The following CEP85L variants were observed in gnomAD, a reference collection of about 807,000 sequenced individuals.
CEP85L encodes centrosomal protein of 85 kDa-like.
Under a neutral mutation model 100.3 loss-of-function variants are expected in CEP85L, and 60 were observed. The ratio of observed to expected loss-of-function variants is 0.60; its 90% CI spans 0.49 to 0.74. The LOEUF is 0.74. Among genes scored for constraint, CEP85L ranks in the 30% least tolerant of loss-of-function variants. The probability of loss-of-function intolerance (pLI) is 0.00; values close to 1 mark genes in which losing one functional copy is unlikely to be tolerated. For synonymous variants in CEP85L, 319 were observed against 322.7 expected, an observed-to-expected ratio of 0.99 and a Z score of 0.12; for missense variants, 973 against 936.2, an observed-to-expected ratio of 1.04 and a Z score of -0.51.
chr6:118,531,365 G>A (rs756718106), intron 3 of CEP85L, among the ~76,000 whole-genome samples: 6 of 152,102 alleles, frequency 3.9e-5, no homozygotes, highest in African/African-American at 7.2e-5. Flanking sequence ...ATCAACTCAA[G>A]ATGAATTAAA....
intron 3 of CEP85L, among the ~76,000 whole-genome samples, chr6:118,551,935 T>G (rs966200416): frequency 7.2e-5 from 11 of 152,058 alleles, no homozygotes; most frequent in African/African-American, 2.4e-4. Flanking sequence ...ACTGTCCTAA[T>G]TTATTACCAC....
chr6:118,566,859 G>A (rs1161552089), intron 2 of CEP85L, among the ~76,000 whole-genome samples: 1 of 152,136 alleles, frequency 6.6e-6, no homozygotes, highest in African/African-American at 2.4e-5. Context: ...ACCATCTACT[G>A]TACTTACAGG....
At chr6:118,522,904 T>C (rs1262955796) in intron 4 of CEP85L, among the ~76,000 whole-genome samples, 4 of 151,272 alleles carry the variant, frequency 2.6e-5, no homozygotes, top group African/African-American at 9.7e-5. Flanking sequence ...GGGAATATAG[T>C]GGAGAACAAG....
At chr6:118,478,491 G>GAAAACCTT (rs1254478493) in intron 10 of CEP85L, among the ~76,000 whole-genome samples, 2 of 151,980 alleles carry the variant, frequency 1.3e-5, no homozygotes, top group African/African-American at 4.8e-5. Flanking sequence ...CTCTAGATCT[G>GAAAACCTT]AAAACCTTGA....
intron 1 of CEP85L, among the ~76,000 whole-genome samples, chr6:118,683,966 A>T (rs1316801072): frequency 3.3e-5 from 5 of 152,316 alleles, no homozygotes; most frequent in African/African-American, 1.2e-4. Flanking sequence ...TTCTTTCAAA[A>T]AACTATGTGG....
At chr6:118,694,129 G>A (rs543556073) in intron 1 of CEP85L, among the ~76,000 whole-genome samples, 57 of 152,278 alleles carry the variant, frequency 3.7e-4, no homozygotes, top group Non-Finnish European at 6.5e-4. Flanking sequence ...CTTTACTTAT[G>A]TGTCTACCTA....
intron 1 of CEP85L, among the ~76,000 whole-genome samples, chr6:118,683,254 G>A (rs1277436635): frequency 6.6e-6 from 1 of 152,182 alleles, no homozygotes; most frequent in Non-Finnish European, 1.5e-5. Context: ...TAAGATGGCA[G>A]TGATTTCATC....
At position 118,689,773 on chromosome 6, in the gene CEP85L, A is replaced by T. The variant is rs538149736; in HGVS notation, c.-28+20263T>A. Among the ~76,000 whole-genome samples the T allele has an allele frequency of 4.2e-4, 64 of 152,344 alleles. 1 individual carries two copies. The highest frequency in any genetic ancestry group is 1.5e-3 in the African/African-American group (62 of 41,584). ...CAAGCATTTAGTAATATTAATAAAAAGAGATGAATTGCAATAGTGATGCAT... is the reference window on the plus strand; with the variant it reads ...CAAGCATTTAGTAATATTAATAAAATGAGATGAATTGCAATAGTGATGCAT... On this transcript the variant is annotated intron_variant, in intron 1 of 13. Coordinates refer to the CEP85L transcript ENST00000368488.
upstream of CEP85L, among the ~76,000 whole-genome samples, chr6:118,654,016 G>C (rs1338254303): frequency 6.6e-6 from 1 of 152,182 alleles, no homozygotes; most frequent in Non-Finnish European, 1.5e-5. Flanking sequence ...AACTGATTAA[G>C]TTGAGCTATC....
At chr6:118,537,613 G>A in intron 3 of CEP85L, 1 of 985,284 alleles carries the variant, frequency 1.0e-6, no homozygotes, top group Non-Finnish European at 1.2e-6. Flanking sequence ...ACTTAGATGA[G>A]ATCCGGATAC....
Position 118,511,338 on chromosome 6 carries a change from T to C in CEP85L, c.1217A>G (p.His406Arg). ...ELRAQHAMLGHYVNCEDSYVA... is the reference protein window; with the variant it reads ...ELRAQHAMLGRYVNCEDSYVA... ...ATAAGAATCCTCACAATTTACATAA[T>C]GTCCTAACATGGCATGTTGAGCCCG... Residue 406 changes from histidine to arginine, a missense_variant, in exon 5 of 13, where the codon CAT (histidine) becomes CGT (arginine). His to Arg is a conservative substitution (Grantham distance 29). Around this residue, in one of 3 missense-constraint regions of CEP85L, gnomAD observed 890 missense variants for 844.5 expected, o/e 1.05. Coordinates refer to ENST00000368491, the MANE Select transcript of CEP85L (RefSeq NM_001042475.3). 6.2e-7 allele frequency: 1 copy of C among 1,613,108 alleles called. No individual in the cohort carries two copies. Among genetic ancestry groups the C allele is most frequent in the Non-Finnish European group, 8.5e-7 (1 of 1,179,348 alleles).
chr6:118,542,874 T>C (rs1474797050), intron 3 of CEP85L, among the ~76,000 whole-genome samples: 1 of 107,378 alleles, frequency 9.3e-6, no homozygotes, highest in Non-Finnish European at 1.7e-5. Context: ...ATAACCAAAC[T>C]GAACTTCAAC....
intron 3 of CEP85L, among the ~76,000 whole-genome samples, chr6:118,556,620 G>A (rs771925584): frequency 1.4e-4 from 22 of 152,142 alleles, no homozygotes; most frequent in Non-Finnish European, 3.1e-4. Flanking sequence ...CTAACAGGTT[G>A]AGATGGGCTT....
intron 5 of CEP85L, chr6:118,501,795 T>C (rs1562204651): frequency 9.0e-7 from 1 of 1,112,168 alleles, no homozygotes; most frequent in Non-Finnish European, 1.3e-6. Context: ...GTGGGGAGGA[T>C]GGAGGCTGCT....
chr6:118,651,216 T>C lies in CEP85L; in HGVS notation c.54A>G (p.Gly18=). The C allele has an allele frequency of 2.0e-6, 3 of 1,496,238 alleles. No individual in the cohort carries two copies. The highest frequency in any genetic ancestry group is 2.7e-6 in the Non-Finnish European group (3 of 1,129,504). 92.7% of individuals were successfully genotyped at this position (1,496,238 alleles called of 1,614,324 possible). ...CCTTACCGGCAGGGAAGCTGCGGGC[T>C]CCGCCGGGGCTATCCCGGCCGCTGG... is the stretch of plus-strand genomic sequence containing the variant. ...PEASGRDSPG[G]ARSFPAGPDY... is the part of the protein sequence containing the mutation. Residue 18 remains glycine, a synonymous_variant, in exon 1 of 13, where the codon GGA becomes GGG. Transcript: ENST00000368491.
At position 118,567,235 on chromosome 6, in the gene CEP85L, G is replaced by A. The variant is rs1288841; in HGVS notation, c.233-919C>T. 2.8e-4 allele frequency among the ~76,000 whole-genome samples: 23 copies of A among 83,582 alleles called. 1 individual carries two copies. The highest frequency in any genetic ancestry group is 6.4e-4 in the African/African-American group (12 of 18,806). 54.8% of individuals were successfully genotyped at this position (83,582 alleles called of 152,430 possible). A position where few individuals can be genotyped will look rare whatever the true frequency, so the allele number is the denominator to read the frequency against. Reference sequence around the variant, plus strand: ...TGTGTGTGTGTGTGTGTGTGTGTGTGTGTGTGTGTGTGTGTATATATATAT... The same window carrying A: ...TGTGTGTGTGTGTGTGTGTGTGTGTATGTGTGTGTGTGTGTATATATATAT... On this transcript the variant is annotated intron_variant, in intron 2 of 12. Coordinates refer to ENST00000368491, the MANE Select transcript of CEP85L (RefSeq NM_001042475.3).
chr6:118,491,017 C>T (rs961869675), intron 6 of CEP85L, among the ~76,000 whole-genome samples: 2 of 152,074 alleles, frequency 1.3e-5, no homozygotes, highest in African/African-American at 2.4e-5. Context: ...TATGTAATGA[C>T]GTCTATTCCT....
At chr6:118,600,342 T>C (rs1781705188) in intron 2 of CEP85L, among the ~76,000 whole-genome samples, 2 of 131,224 alleles carry the variant, frequency 1.5e-5, no homozygotes, top group South Asian at 5.3e-4. Context: ...TGTGTGTGTG[T>C]GTGTGTGTGT....
intron 3 of CEP85L, chr6:118,560,321 T>C (rs1281276288): frequency 6.0e-6 from 1 of 167,064 alleles, no homozygotes; most frequent in African/African-American, 2.4e-5. Context: ...ATATGTATTA[T>C]ACACTATATT....
Sources: allele counts gnomAD v4.1 joint callset (sites outside exome capture counted in the v4.1 genomes callset), GRCh38; gene constraint gnomAD v4.1.1; regional missense constraint gnomAD v4.1.1; transcripts MANE v1.5; gene names NCBI Gene and HGNC (gene_info 2026-07-23, HGNC 2026-07-21).